The following LGMN variants were observed in gnomAD, a reference collection of about 807,000 sequenced individuals.
The protein encoded by LGMN is asparaginyl endopeptidase.
Under a neutral mutation model 56.8 loss-of-function variants are expected in LGMN, and 36 were observed. The observed-to-expected ratio is 0.63, with a 90% CI of 0.49 to 0.84. LGMN has a LOEUF of 0.84. LGMN is among the 40% of genes least tolerant of loss of function. LGMN has a pLI of 0.00. For missense variants in LGMN, 446 were observed against 556.1 expected, an observed-to-expected ratio of 0.80 and a Z score of 1.99; for synonymous variants, 199 against 210.1, an observed-to-expected ratio of 0.95 and a Z score of 0.46.
rs1203654160 is a variant in LGMN at position 92,703,979 on chromosome 14, T to A, written c.*340A>T. On this transcript the variant is annotated 3_prime_UTR_variant, in exon 14 of 14. Transcript: ENST00000334869. ...TTAAAGAGGTTTCAGCTTCAAATTC[T>A]CAGAATAAAGACTCCTTTTGAGAGG... The A allele has an allele frequency of 3.3e-6, 2 of 604,416 alleles. No homozygotes were observed. Among genetic ancestry groups the A allele is most frequent in the Non-Finnish European group, 5.8e-6 (2 of 342,140 alleles). 37.4% of individuals were successfully genotyped at this position (604,416 alleles called of 1,614,324 possible). A position where few individuals can be genotyped will look rare whatever the true frequency, so the allele number is the denominator to read the frequency against.
rs1444959015 is a variant in LGMN at position 92,704,347 on chromosome 14, A to G, written c.1274T>C (p.Met425Thr). Residue 425 changes from methionine to threonine, a missense_variant, in exon 14 of 14, where the codon ATG (methionine) becomes ACG (threonine). By Grantham distance (81) the Met-to-Thr change is moderately conservative. Coordinates refer to ENST00000334869, the MANE Select transcript of LGMN (RefSeq NM_005606.7). ...GTAGTGACCAAGGCACACGTGGTCC[A>G]TGGACAATTTTATCCTGCGAGAGAC... ...PYPLHRIKLS[M>T]DHVCLGHY 6.2e-7 allele frequency: 1 copy of G among 1,610,602 alleles called. No individual in the cohort carries two copies. Among genetic ancestry groups the G allele is most frequent in the Non-Finnish European group, 8.5e-7 (1 of 1,177,502 alleles).
intron 11 of LGMN, 119 bp from the exon 12 acceptor site, chr14:92,706,772 G>A: frequency 1.1e-6 from 1 of 895,408 alleles, no homozygotes; most frequent in Non-Finnish European, 1.5e-6. Context: ...CCTCCCGCAG[G>A]TTAGAGGAAA....
At chr14:92,729,127 CTTTTTTTTT>C (rs55843490) in intron 2 of LGMN, among the ~76,000 whole-genome samples, 2 of 110,124 alleles carry the variant, frequency 1.8e-5, no homozygotes, top group Non-Finnish European at 3.6e-5. Flanking sequence ...CTCAGCTTTT[CTTTTTTTTT>C]TTTTTTTTTT....
intron 9 of LGMN, 32 bp downstream of exon 9, chr14:92,711,805 C>T (rs1889793372): frequency 1.9e-6 from 3 of 1,609,680 alleles, no homozygotes; most frequent in Admixed American, 1.7e-5. Flanking sequence ...CGGTTAAACC[C>T]CAGCTGAACA....
In LGMN at chr14:92,729,643, G is replaced by A. The variant is rs79982746; in HGVS notation, c.138+3006C>T. Among the ~76,000 whole-genome samples, 1,442 of 152,262 alleles carry A rather than the reference G, an allele frequency of 9.5e-3. 30 individuals are homozygous for A. Among genetic ancestry groups the A allele is most frequent in the African/African-American group, 0.033 (1,362 of 41,534 alleles). On this transcript the variant is annotated intron_variant, in intron 2 of 13. Transcript: ENST00000334869. ...CTCTTCCCTAAACAAGAGATTTGTG[G>A]TAAATGAATGTTGTGTTAATCCAAG...
intron 2 of LGMN, among the ~76,000 whole-genome samples, chr14:92,722,725 G>A (rs1890542622): frequency 6.6e-6 from 1 of 152,028 alleles, no homozygotes; most frequent in Admixed American, 6.5e-5. Flanking sequence ...TCGGATAAAG[G>A]GCTTGTACTG....
At chr14:92,708,881 A>AAAAAAAAAAACC (rs1889587964) in intron 11 of LGMN, among the ~76,000 whole-genome samples, 2 of 146,402 alleles carry the variant, frequency 1.4e-5, no homozygotes, top group Non-Finnish European at 3.0e-5. Flanking sequence ...AAAAAAAAAA[A>AAAAAAAAAAACC]TCTTGCCTAG....
chr14:92,719,061 T>C (rs1437602496), intron 2 of LGMN, among the ~76,000 whole-genome samples: 1 of 151,962 alleles, frequency 6.6e-6, no homozygotes, highest in East Asian at 1.9e-4. Context: ...AGGAAACTAG[T>C]GCACACGTGG....
intron 2 of LGMN, among the ~76,000 whole-genome samples, chr14:92,724,078 G>A (rs1306487605): frequency 6.6e-6 from 1 of 152,196 alleles, no homozygotes; most frequent in Non-Finnish European, 1.5e-5. Flanking sequence ...CTGATTTATA[G>A]TGATGTTTGC....
chr14:92,734,254 G>A (rs13379303), intron 1 of LGMN, among the ~76,000 whole-genome samples: 23,111 of 152,268 alleles, frequency 0.15, 2,083 homozygotes, highest in Non-Finnish European at 0.19. Context: ...GCGTTGGCCA[G>A]AGCTGGGACC....
At chr14:92,737,565 C>A (rs1190823952) in intron 1 of LGMN, among the ~76,000 whole-genome samples, 2 of 152,212 alleles carry the variant, frequency 1.3e-5, no homozygotes, top group African/African-American at 4.8e-5. Context: ...CACGTGGACA[C>A]CCCACCTTGC....
At chr14:92,746,142 G>A (rs187179880) in intron 1 of LGMN, among the ~76,000 whole-genome samples, 7 of 152,136 alleles carry the variant, frequency 4.6e-5, no homozygotes, top group Admixed American at 1.3e-4. Context: ...TTCTTCAAAC[G>A]CTTATCATCT....
At chr14:92,724,566 C>G (rs1310107426) in intron 2 of LGMN, among the ~76,000 whole-genome samples, 2 of 152,228 alleles carry the variant, frequency 1.3e-5, no homozygotes, top group East Asian at 3.8e-4. Context: ...GTGACCTATA[C>G]TGTATTTTCC....
chr14:92,724,246 G>A (rs997091622), intron 2 of LGMN, among the ~76,000 whole-genome samples: 2 of 152,094 alleles, frequency 1.3e-5, no homozygotes, highest in Non-Finnish European at 2.9e-5. Context: ...GCACTGTTTG[G>A]GACCCCCAGC....
chr14:92,748,046 T>C (rs1891895094), intron 1 of LGMN, among the ~76,000 whole-genome samples: 1 of 152,148 alleles, frequency 6.6e-6, no homozygotes, highest in Non-Finnish European at 1.5e-5. Flanking sequence ...GTATTTCTGT[T>C]GTCGTCGTTA....
At chr14:92,730,854 T>C (rs1477640679) in intron 2 of LGMN, among the ~76,000 whole-genome samples, 1 of 150,548 alleles carries the variant, frequency 6.6e-6, no homozygotes, top group Non-Finnish European at 1.5e-5. Context: ...AGCTTGAACT[T>C]GGGAGGTGGA....
At chr14:92,707,681 T>C (rs1287764818) in intron 11 of LGMN, among the ~76,000 whole-genome samples, 1 of 152,150 alleles carries the variant, frequency 6.6e-6, no homozygotes, top group Non-Finnish European at 1.5e-5. Context: ...GTTAAGAATA[T>C]TGTTATTTGT....
At chr14:92,717,139 A>G (rs915469529) in intron 4 of LGMN, among the ~76,000 whole-genome samples, 3 of 152,212 alleles carry the variant, frequency 2.0e-5, no homozygotes, top group African/African-American at 4.8e-5. Flanking sequence ...GGTCAGGCCT[A>G]AAGTATGAGA....
rs772323057 is a variant in LGMN at position 92,709,815 on chromosome 14, G to A, written c.877C>T (p.Pro293Ser). 6.8e-6 allele frequency: 11 copies of A among 1,613,778 alleles called. No individual in the cohort carries two copies. The highest frequency in any genetic ancestry group is 1.6e-4 in the Middle Eastern group (1 of 6,076). ...TGTGTGACTGGAGGTAGGGGGACGG[G>A]AGAACTGGCTTTGCGTTTCATACCC... ...FQGMKRKASS[P>S]VPLPPVTHLD... Residue 293 changes from proline to serine, a missense_variant, in exon 11 of 14, where the codon CCC becomes TCC. By Grantham distance (74) the Pro-to-Ser change is moderately conservative (BLOSUM62 -1). Transcript: ENST00000334869.
Sources: gnomAD v4.1 joint callset for allele counts (sites outside exome capture counted in the v4.1 genomes callset) on GRCh38, gnomAD v4.1.1 for gene constraint, MANE v1.5 for transcripts, NCBI Gene and HGNC (gene_info 2026-07-23, HGNC 2026-07-21) for gene names.